Variants in BMERB1 observed in about 807,000 individuals in gnomAD.
BMERB1 encodes the protein bMERB domain-containing protein 1.
In BMERB1, 12 loss-of-function variants were observed where a neutral mutation model predicts 23.6. The ratio of observed to expected loss-of-function variants is 0.51; its 90% confidence interval spans 0.33 to 0.82. The LOEUF (loss-of-function observed/expected upper bound fraction) is 0.82. Among genes scored for constraint, BMERB1 ranks in the 40% least tolerant of loss-of-function variants. The pLI is 0.03. For missense variants in BMERB1, 247 were observed against 255.4 expected (o/e 0.97, Z 0.22); for synonymous variants, 122 against 96.6 (o/e 1.26, Z -1.54).
At chr16:15,520,477 CTT>C (rs147757819) in intron 2 of BMERB1, among the ~76,000 whole-genome samples, 32,695 of 108,828 alleles carry the variant, frequency 0.3, 3,918 homozygotes, top group East Asian at 0.44. Context: ...CATAGATGTT[CTT>C]TTTTTTTTTT....
intron 2 of BMERB1, among the ~76,000 whole-genome samples, chr16:15,539,547 T>A (rs929790920): frequency 6.6e-6 from 1 of 151,928 alleles, no homozygotes; most frequent in Admixed American, 6.6e-5. Context: ...AAACATTAAT[T>A]AAGAATTTTT....
chr16:15,510,123 C>T (rs927023409), intron 1 of BMERB1, among the ~76,000 whole-genome samples: 10 of 152,152 alleles, frequency 6.6e-5, no homozygotes, highest in Admixed American at 1.3e-4. Flanking sequence ...CTGGAGAGCG[C>T]GTGACCCTGC....
intron 2 of BMERB1, among the ~76,000 whole-genome samples, chr16:15,542,417 A>G (rs1375231418): frequency 3.9e-5 from 6 of 152,020 alleles, no homozygotes; most frequent in Admixed American, 6.6e-5. Flanking sequence ...CGAGGCCCCA[A>G]CCTGAAGCCA....
rs943411149 is a variant in BMERB1 at position 15,544,675 on chromosome 16, C to T, written c.231-23308C>T. Among the ~76,000 whole-genome samples the T allele has an allele frequency of 5.9e-5, 9 of 152,126 alleles. No homozygotes were observed. In the South Asian group the frequency reaches 6.2e-4, roughly 11 times the overall value. ...GCATCAGACAAGGCCATCCTGAGACCGTGATAGATCAAGACAAAATAACAC... is the reference window on the plus strand; with the variant it reads ...GCATCAGACAAGGCCATCCTGAGACTGTGATAGATCAAGACAAAATAACAC... On this transcript the variant is annotated intron_variant, in intron 2 of 5. Coordinates refer to ENST00000300006, the MANE Select transcript of BMERB1 (RefSeq NM_033201.3).
chr16:15,547,638 T>C (rs1004456751), intron 2 of BMERB1, among the ~76,000 whole-genome samples: 2 of 152,090 alleles, frequency 1.3e-5, no homozygotes, highest in Admixed American at 6.6e-5. Flanking sequence ...AGTCACTGCC[T>C]GCCCAGCCAC....
intron 1 of BMERB1, among the ~76,000 whole-genome samples, chr16:15,475,342 C>T (rs946860510): frequency 1.2e-4 from 18 of 152,184 alleles, no homozygotes; most frequent in Non-Finnish European, 1.9e-4. Flanking sequence ...AAAGACCACT[C>T]TCACTTCTGA....
At chr16:15,586,148 A>G (rs1323529832) in intron 5 of BMERB1, among the ~76,000 whole-genome samples, 2 of 152,214 alleles carry the variant, frequency 1.3e-5, no homozygotes, top group Non-Finnish European at 2.9e-5. Flanking sequence ...ATTGGAAGAC[A>G]GCCCTGAGAA....
chr16:15,532,780 C>T (rs545215922), intron 2 of BMERB1, among the ~76,000 whole-genome samples: 36 of 152,052 alleles, frequency 2.4e-4, no homozygotes, highest in Middle Eastern at 3.4e-3. Flanking sequence ...CTCCTGACCT[C>T]GTGATCTGCC....
At chr16:15,514,364 A>G (rs1039174466) in intron 1 of BMERB1, among the ~76,000 whole-genome samples, 4 of 152,210 alleles carry the variant, frequency 2.6e-5, no homozygotes, top group Non-Finnish European at 5.9e-5. Context: ...GGCTGGTCTT[A>G]GAGGCTTAGA....
At chr16:15,446,019 G>A (rs372738768) in intron 1 of BMERB1, among the ~76,000 whole-genome samples, 18 of 152,120 alleles carry the variant, frequency 1.2e-4, no homozygotes, top group East Asian at 1.2e-3. Flanking sequence ...GTATGAGTCC[G>A]CTGACATGAA....
chr16:15,466,357 A>G (rs977534601), intron 1 of BMERB1, among the ~76,000 whole-genome samples: 2 of 152,016 alleles, frequency 1.3e-5, no homozygotes, highest in African/African-American at 4.8e-5. Flanking sequence ...ACATCTCTTC[A>G]TAGGTTTATT....
chr16:15,569,176 A>G (rs1209177968), intron 3 of BMERB1, among the ~76,000 whole-genome samples: 1 of 152,184 alleles, frequency 6.6e-6, no homozygotes, highest in Non-Finnish European at 1.5e-5. Context: ...AGATCTCACC[A>G]CTGCACTTCA....
At chr16:15,453,599 C>T (rs577004137) in intron 1 of BMERB1, among the ~76,000 whole-genome samples, 18 of 151,578 alleles carry the variant, frequency 1.2e-4, no homozygotes, top group Non-Finnish European at 2.4e-4. Context: ...ACCGGCTGGG[C>T]GAGGTGGCTC....
chr16:15,491,130 G>A (rs1471243618), intron 1 of BMERB1, among the ~76,000 whole-genome samples: 1 of 152,202 alleles, frequency 6.6e-6, no homozygotes, highest in East Asian at 1.9e-4. Context: ...GATTACAGGC[G>A]TGAGCCACCA....
intron 1 of BMERB1, among the ~76,000 whole-genome samples, chr16:15,444,989 TGCCTAGGCCTCCC>T (rs1253088686): frequency 1.3e-5 from 2 of 152,160 alleles, no homozygotes; most frequent in African/African-American, 2.4e-5. Context: ...CTCAACCTCC[TGCCTAGGCCTCCC>T]GCCTAGGCCT....
chr16:15,541,662 C>T (rs1359262350), intron 2 of BMERB1, among the ~76,000 whole-genome samples: 3 of 143,342 alleles, frequency 2.1e-5, no homozygotes, highest in South Asian at 2.2e-4. Context: ...AGTGCAGTGG[C>T]GCGATCTTGG....
At chr16:15,508,627 C>T (rs1376868140) in intron 1 of BMERB1, among the ~76,000 whole-genome samples, 2 of 151,822 alleles carry the variant, frequency 1.3e-5, no homozygotes, top group Non-Finnish European at 2.9e-5. Context: ...GTTGGGAGAC[C>T]AGCCTGGGCA....
chr16:15,563,708 A>G (rs1165658657), intron 2 of BMERB1, among the ~76,000 whole-genome samples: 5 of 152,128 alleles, frequency 3.3e-5, no homozygotes, highest in African/African-American at 1.2e-4. Flanking sequence ...GCAAAGAGGG[A>G]GGTGCTACAC....
At chr16:15,457,961 CTTAA>C (rs2051099305) in intron 1 of BMERB1, among the ~76,000 whole-genome samples, 1 of 152,158 alleles carries the variant, frequency 6.6e-6, no homozygotes, top group Admixed American at 6.6e-5. Context: ...GGAAAACTGC[CTTAA>C]TTAACCATCA....
Sources: allele counts gnomAD v4.1 joint callset (sites outside exome capture counted in the v4.1 genomes callset), GRCh38; gene constraint gnomAD v4.1.1; transcripts MANE v1.5; gene names NCBI Gene and HGNC (gene_info 2026-07-23, HGNC 2026-07-21).